The following PSMD1 variants were observed in gnomAD, a reference collection of about 807,000 sequenced individuals.
PSMD1 encodes the protein proteasome 26S subunit, non-ATPase 1.
PSMD1 carries 18 observed loss-of-function variants against 119.0 expected under a neutral mutation model. The observed-to-expected ratio is 0.15, with a 90% CI of 0.10 to 0.22. PSMD1 has a LOEUF of 0.22. Ranked by LOEUF, PSMD1 falls within the 10% of genes least tolerant of loss-of-function variation. The pLI is 1.00. For synonymous variants in PSMD1, 374 were observed against 396.6 expected, an observed-to-expected ratio of 0.94 and a Z score of 0.68; for missense variants, 702 against 1,158.5, an observed-to-expected ratio of 0.61 and a Z score of 5.72.
At chr2:231,068,588 G>T (rs894493709) in intron 5 of PSMD1, among the ~76,000 whole-genome samples, 1 of 152,126 alleles carries the variant, frequency 6.6e-6, no homozygotes, top group Non-Finnish European at 1.5e-5. Flanking sequence ...CTTAAATTGT[G>T]CACCATTCTG....
intron 16 of PSMD1, among the ~76,000 whole-genome samples, chr2:231,129,664 A>G (rs1695807618): frequency 6.6e-6 from 1 of 152,206 alleles, no homozygotes; most frequent in African/African-American, 2.4e-5. Context: ...TATTCACTAT[A>G]TACTAAACTG....
At chr2:231,158,812 T>C (rs1696569500) in intron 19 of PSMD1, among the ~76,000 whole-genome samples, 1 of 152,210 alleles carries the variant, frequency 6.6e-6, no homozygotes, top group Non-Finnish European at 1.5e-5. Context: ...CAGTATGTTA[T>C]TCACAATCCT....
At chr2:231,112,478 A>G (rs762449036) in intron 16 of PSMD1, among the ~76,000 whole-genome samples, 28 of 152,346 alleles carry the variant, frequency 1.8e-4, no homozygotes, top group Non-Finnish European at 3.1e-4. Context: ...AAAGAGATCA[A>G]GCCCTTATAT....
intron 15 of PSMD1, among the ~76,000 whole-genome samples, chr2:231,086,171 G>T (rs1347193987): frequency 6.6e-6 from 1 of 151,898 alleles, no homozygotes; most frequent in Non-Finnish European, 1.5e-5. Flanking sequence ...AGCTTCCCAT[G>T]TAGCTAGAAC....
At chr2:231,058,519 CCTTT>C (rs1471914602) in intron 1 of PSMD1, among the ~76,000 whole-genome samples, 2 of 143,038 alleles carry the variant, frequency 1.4e-5, no homozygotes, top group Admixed American at 6.8e-5. Flanking sequence ...TATATACAAA[CCTTT>C]TTTTTTTTTT....
At chr2:231,074,469 A>T (rs1694115114) in intron 7 of PSMD1, among the ~76,000 whole-genome samples, 2 of 152,044 alleles carry the variant, frequency 1.3e-5, no homozygotes, top group African/African-American at 4.8e-5. Flanking sequence ...CTTAAGGCTT[A>T]TGTGTGGTGG....
At chr2:231,161,237 T>TAA in intron 19 of PSMD1, 103 bp from the exon 20 acceptor site, 11 of 1,120,900 alleles carry the variant, frequency 9.8e-6, no homozygotes, top group East Asian at 5.3e-5. Context: ...CCCTATCTCT[T>TAA]TAAAAAAAAA....
intron 23 of PSMD1, among the ~76,000 whole-genome samples, chr2:231,168,167 G>A (rs1013075047): frequency 9.2e-5 from 14 of 152,160 alleles, no homozygotes; most frequent in South Asian, 8.3e-4. Flanking sequence ...CAAAAAGACC[G>A]CACAGACAAG....
At chr2:231,138,973 A>G (rs767124513) in intron 17 of PSMD1, 123 bp downstream of exon 17, 3 of 783,838 alleles carry the variant, frequency 3.8e-6, no homozygotes, top group South Asian at 1.5e-5. Context: ...TAAACTTGCC[A>G]TACAAAGCTT....
rs1383858454 is a variant in PSMD1, at chr2:231,066,887, T to C, written c.305-19T>C. ...TAGCCCAATTTACAAGATAATCAGT[T>C]ATTTTATTTCCTCAACAGCAAAATG... On this transcript the variant is annotated intron_variant, in intron 4 of 24. Coordinates refer to ENST00000308696, the MANE Select transcript of PSMD1 (RefSeq NM_002807.4). The C allele has an allele frequency of 6.4e-7, 1 of 1,557,252 alleles. No individual in the cohort carries two copies. The highest frequency in any genetic ancestry group is 1.2e-5 in the South Asian group (1 of 80,086).
chr2:231,112,131 A>G (rs1356335637), intron 16 of PSMD1, among the ~76,000 whole-genome samples: 1 of 151,910 alleles, frequency 6.6e-6, no homozygotes, highest in Non-Finnish European at 1.5e-5. Flanking sequence ...TTCTCTGTCC[A>G]ACTCTCCCAC....
Position 231,153,626 on chromosome 2 carries a change from C to G in PSMD1, c.2178C>G (p.Ala726=). ...VINDKHDDVM[A]KFGAILAQGI... ...ATGATAAGCATGATGATGTCATGGC[C>G]AAGTTTGGCGCTATTCTGGCCCAGG... The change falls in exon 19 of 25, where the codon GCC becomes GCG. Residue 726 remains alanine (A), a synonymous_variant. Transcript: ENST00000308696. The G allele has an allele frequency of 6.2e-7, 1 of 1,613,750 alleles. No homozygotes were observed. The highest frequency in any genetic ancestry group is 8.5e-7 in the Non-Finnish European group (1 of 1,179,834).
chr2:231,137,439 G>T (rs528443012), intron 16 of PSMD1, among the ~76,000 whole-genome samples: 48 of 152,118 alleles, frequency 3.2e-4, no homozygotes, highest in Non-Finnish European at 5.3e-4. Flanking sequence ...TATGTGTGTT[G>T]GTTTTGTCTC....
Position 231,079,523 on chromosome 2 carries a change from T to C in PSMD1, c.1161-13T>C. Reference sequence around the variant, plus strand: ...TTTTAACACTAATTAAAATACATCATCTTTTTTTACAGAGATAATTTGGAA... The same window carrying C: ...TTTTAACACTAATTAAAATACATCACCTTTTTTTACAGAGATAATTTGGAA... On this transcript the variant is annotated splice_polypyrimidine_tract_variant and intron_variant, in intron 10 of 24. Transcript: ENST00000308696. 7 of 1,565,858 alleles carry C rather than the reference T, an allele frequency of 4.5e-6. No individual in the cohort carries two copies. The highest frequency in any genetic ancestry group is 6.1e-6 in the Non-Finnish European group (7 of 1,145,138).
intron 19 of PSMD1, among the ~76,000 whole-genome samples, chr2:231,160,640 C>T (rs1019232903): frequency 4.6e-5 from 7 of 152,106 alleles, no homozygotes; most frequent in East Asian, 1.9e-4. Flanking sequence ...TATACTAAAA[C>T]TTTGCTTTTT....
intron 12 of PSMD1, among the ~76,000 whole-genome samples, chr2:231,082,141 C>T (rs1055523680): frequency 2.0e-5 from 3 of 152,214 alleles, no homozygotes; most frequent in East Asian, 3.9e-4. Context: ...TGGCTCACTG[C>T]AGCTTCAGCT....
In PSMD1 at chr2:231,148,097, A is replaced by G. The variant is rs534746860; in HGVS notation, c.2115+1741A>G. 2.6e-5 allele frequency among the ~76,000 whole-genome samples: 4 copies of G among 152,230 alleles called. No individual in the cohort carries two copies. In the South Asian group the frequency reaches 6.2e-4, roughly 24 times the overall value. ...TTTATAACGTATTACTTAATATACT[A>G]CATCTTCTAGAACATAAACATCTTT... On this transcript the variant is annotated intron_variant, in intron 18 of 24. Coordinates refer to ENST00000308696, the MANE Select transcript of PSMD1 (RefSeq NM_002807.4).
At chr2:231,088,782 G>A (rs1315048369) in intron 16 of PSMD1, among the ~76,000 whole-genome samples, 1 of 152,162 alleles carries the variant, frequency 6.6e-6, no homozygotes, top group East Asian at 1.9e-4. Flanking sequence ...AAGTGAAAGA[G>A]AGAGTCCCAC....
intron 16 of PSMD1, chr2:231,109,046 G>C (rs1246201823): frequency 4.3e-6 from 7 of 1,614,096 alleles, no homozygotes; most frequent in Middle Eastern, 3.3e-4. Flanking sequence ...CCCAATTGTG[G>C]ATGTTCTTCG....
Sources: allele counts gnomAD v4.1 joint callset (sites outside exome capture counted in the v4.1 genomes callset), GRCh38; gene constraint gnomAD v4.1.1; transcripts MANE v1.5; gene names NCBI Gene and HGNC (gene_info 2026-07-23, HGNC 2026-07-21).